WDSUB1: variants seen among roughly 807,000 people sequenced by gnomAD.
The protein encoded by WDSUB1 is WD repeat, SAM and U-box domain-containing protein 1.
In WDSUB1, 49 loss-of-function variants were observed where a neutral mutation model predicts 53.9. The observed-to-expected ratio is 0.91, with a 90% CI of 0.72 to 1.15. The LOEUF (loss-of-function observed/expected upper bound fraction) is 1.15. WDSUB1 is among the 50% of genes most tolerant of loss of function. The probability of loss-of-function intolerance (pLI) is 0.00; values close to 1 mark genes in which losing one functional copy is unlikely to be tolerated. For missense variants in WDSUB1, 514 were observed against 562.0 expected (o/e 0.91, Z 0.86); for synonymous variants, 194 against 200.6 (o/e 0.97, Z 0.28).
intron 9 of WDSUB1, among the ~76,000 whole-genome samples, chr2:159,248,912 A>G (rs1266197271): frequency 5.9e-5 from 9 of 152,172 alleles, no homozygotes; most frequent in Non-Finnish European, 1.3e-4. Context: ...AGCCACAAAT[A>G]GAGATTTTAT....
chr2:159,242,693 T>C (rs1188890122), intron 10 of WDSUB1, among the ~76,000 whole-genome samples: 5 of 147,974 alleles, frequency 3.4e-5, no homozygotes, highest in African/African-American at 1.3e-4. Flanking sequence ...TCATTTGTTA[T>C]AAGACACTAT....
intron 5 of WDSUB1, among the ~76,000 whole-genome samples, chr2:159,264,394 G>A (rs1376105798): frequency 6.6e-6 from 1 of 152,242 alleles, no homozygotes; most frequent in Non-Finnish European, 1.5e-5. Flanking sequence ...GCCTTCTTCA[G>A]CTAGTCATTG....
At chr2:159,236,688 C>A (rs1411680736) in intron 10 of WDSUB1, among the ~76,000 whole-genome samples, 1 of 152,200 alleles carries the variant, frequency 6.6e-6, no homozygotes, top group East Asian at 1.9e-4. Context: ...GACCAAGTCT[C>A]ACACTGTTGC....
At chr2:159,248,197 C>A (rs1559532695) in intron 10 of WDSUB1, among the ~76,000 whole-genome samples, 175 bp downstream of exon 10, 1 of 151,958 alleles carries the variant, frequency 6.6e-6, no homozygotes, top group Non-Finnish European at 1.5e-5. Context: ...CACAACTACT[C>A]TGTTCAATTT....
intron 10 of WDSUB1, 126 bp from the exon 11 acceptor site, chr2:159,236,316 C>T (rs934117027): frequency 1.1e-5 from 10 of 922,818 alleles, no homozygotes; most frequent in Non-Finnish European, 1.3e-5. Context: ...TCCTGTCTTG[C>T]TTGTACCAGC....
chr2:159,258,084 T>G, intron 6 of WDSUB1, 99 bp from the exon 7 acceptor site: 1 of 959,230 alleles, frequency 1.0e-6, no homozygotes, highest in Non-Finnish European at 1.6e-6. Flanking sequence ...TAAGTGGATA[T>G]ATTAATATTT....
chr2:159,245,677 ATGATTTC>A (rs1559529084), intron 10 of WDSUB1, among the ~76,000 whole-genome samples: 2 of 152,236 alleles, frequency 1.3e-5, no homozygotes, highest in Non-Finnish European at 2.9e-5. Context: ...CATTAATAAA[ATGATTTC>A]TCAATAAGTG....
intron 10 of WDSUB1, among the ~76,000 whole-genome samples, chr2:159,239,478 G>A (rs1222867669): frequency 7.7e-6 from 1 of 129,532 alleles, no homozygotes; most frequent in Non-Finnish European, 1.5e-5. Context: ...TATATAGAAA[G>A]GGTTTTTCCC....
intron 10 of WDSUB1, among the ~76,000 whole-genome samples, chr2:159,243,958 G>A (rs527954739): frequency 6.6e-6 from 1 of 152,096 alleles, no homozygotes; most frequent in Non-Finnish European, 1.5e-5. Context: ...TGTTTAAGAA[G>A]CCAGACCCAA....
chr2:159,282,433 C>A (rs1403394279), intron 2 of WDSUB1, among the ~76,000 whole-genome samples: 1 of 149,898 alleles, frequency 6.7e-6, no homozygotes, highest in Non-Finnish European at 1.5e-5. Context: ...ACCTCGTGAT[C>A]CGCCTGCCTT....
Position 159,248,447 on chromosome 2 carries a change from GGGATTTAACCTT to G in WDSUB1, c.1186_1197del (p.Lys396_Ser399del). The stretch of plus-strand genomic sequence containing the variant: ...AATTCATCAGGAATTCCTGAAGAAA[GGGATTTAACCTT>G]GGTCCTGAGCTCTTCAATTTTCCTC... On this transcript the variant is annotated inframe_deletion, in exon 10 of 11. Transcript: ENST00000359774. 6.2e-7 allele frequency: 1 copy of G among 1,605,714 alleles called. No individual in the cohort carries two copies. The highest frequency in any genetic ancestry group is 8.5e-7 in the Non-Finnish European group (1 of 1,177,204).
At chr2:159,247,903 ATATAT>A (rs2060843993) in intron 10 of WDSUB1, among the ~76,000 whole-genome samples, 1 of 18,126 alleles carries the variant, frequency 5.5e-5, no homozygotes, top group East Asian at 1.1e-3. Context: ...ATATATATAT[ATATAT>A]AAATATATAT....
chr2:159,242,835 AG>A (rs1459099355), intron 10 of WDSUB1, among the ~76,000 whole-genome samples: 1 of 148,136 alleles, frequency 6.8e-6, no homozygotes, highest in East Asian at 2.1e-4. Context: ...ATAATTTAAA[AG>A]TATGAATAAA....
Position 159,238,695 on chromosome 2 carries a change from TC to T in WDSUB1, c.1274-2506del, listed in dbSNP as rs2060555582. On this transcript the variant is annotated intron_variant, in intron 10 of 10. Transcript: ENST00000359774. ...CTATTCCTGGGCCAACACTACACAT[TC>T]ACTTATGGAGGTTCTCGACATGTAA... Among the ~76,000 whole-genome samples the T allele has an allele frequency of 2.0e-5, 3 of 152,220 alleles. No individual in the cohort carries two copies. The South Asian group carries it at 6.2e-4, about 32-fold the overall frequency.
At chr2:159,246,068 T>G (rs1397383536) in intron 10 of WDSUB1, among the ~76,000 whole-genome samples, 1 of 152,120 alleles carries the variant, frequency 6.6e-6, no homozygotes, top group Admixed American at 6.5e-5. Flanking sequence ...ACAGAAATGA[T>G]ATATGACTGG....
chr2:159,266,899 G>A (rs1171389767), intron 5 of WDSUB1, among the ~76,000 whole-genome samples: 1 of 152,040 alleles, frequency 6.6e-6, no homozygotes, highest in Non-Finnish European at 1.5e-5. Context: ...TCAGCCTCCT[G>A]AGGAGCTAGG....
intron 5 of WDSUB1, among the ~76,000 whole-genome samples, chr2:159,265,515 T>G (rs962790304): frequency 7.2e-5 from 11 of 152,156 alleles, no homozygotes; most frequent in African/African-American, 2.7e-4. Flanking sequence ...GAGGATCACT[T>G]GAGCCCAGGA....
chr2:159,266,131 T>G (rs1282885282), intron 5 of WDSUB1, among the ~76,000 whole-genome samples: 1 of 152,210 alleles, frequency 6.6e-6, no homozygotes, highest in Non-Finnish European at 1.5e-5. Flanking sequence ...TAAATAGTGA[T>G]AGATGTAACC....
rs1388611374 is a variant in WDSUB1, at chr2:159,249,611, T to C, written c.1133-1099A>G. 5.9e-5 allele frequency among the ~76,000 whole-genome samples: 9 copies of C among 152,222 alleles called. No individual in the cohort carries two copies. In the South Asian group the frequency reaches 8.3e-4, roughly 14 times the overall value. On this transcript the variant is annotated intron_variant, in intron 9 of 10. Transcript: ENST00000359774. The stretch of plus-strand genomic sequence containing the variant: ...AAACATCCTTGGAAGCTAGAGATAG[T>C]GCGTCCCTCCCTGTGGGAGGGCAGA...
Sources: gnomAD v4.1 joint callset for allele counts (sites outside exome capture counted in the v4.1 genomes callset) on GRCh38, gnomAD v4.1.1 for gene constraint, MANE v1.5 for transcripts, NCBI Gene and HGNC (gene_info 2026-07-23, HGNC 2026-07-21) for gene names.